The following CREB3L2 variants were observed in gnomAD, a reference collection of about 807,000 sequenced individuals.
CREB3L2 encodes the protein cyclic AMP-responsive element-binding protein 3-like protein 2.
CREB3L2 carries 23 observed loss-of-function variants against 57.2 expected under a neutral mutation model. The observed-to-expected ratio is 0.40, with a 90% confidence interval of 0.29 to 0.57. The LOEUF is 0.57. CREB3L2 is among the 20% of genes least tolerant of loss of function. The pLI, the probability that CREB3L2 is intolerant of heterozygous loss-of-function variation, is 0.42. For synonymous variants in CREB3L2, 268 were observed against 265.1 expected (o/e 1.01, Z -0.11); for missense variants, 628 against 634.7 (o/e 0.99, Z 0.11).
chr7:137,911,530 G>A (rs1800004864), intron 4 of CREB3L2, among the ~76,000 whole-genome samples: 1 of 152,232 alleles, frequency 6.6e-6, no homozygotes, highest in South Asian at 2.1e-4. Flanking sequence ...ACTGTACTTT[G>A]AAATTTGTAC....
intron 8 of CREB3L2, among the ~76,000 whole-genome samples, chr7:137,889,895 C>T (rs1477586029): frequency 6.6e-6 from 1 of 152,154 alleles, no homozygotes; most frequent in Non-Finnish European, 1.5e-5. Context: ...CTCAAAGTCA[C>T]GTAGCTAATA....
At chr7:137,929,459 C>G (rs1800559700) in intron 1 of CREB3L2, among the ~76,000 whole-genome samples, 1 of 152,172 alleles carries the variant, frequency 6.6e-6, no homozygotes, top group East Asian at 1.9e-4. Flanking sequence ...TAGCACTCCC[C>G]CAGTTGTGAA....
chr7:137,996,561 A>G (rs1424583598), intron 1 of CREB3L2, among the ~76,000 whole-genome samples: 2 of 152,242 alleles, frequency 1.3e-5, no homozygotes, highest in Non-Finnish European at 1.5e-5. Context: ...ACATCAAACC[A>G]AAAGCTTCAA....
At chr7:137,893,120 T>C (rs1799556677) in intron 8 of CREB3L2, among the ~76,000 whole-genome samples, 1 of 152,146 alleles carries the variant, frequency 6.6e-6, no homozygotes, top group African/African-American at 2.4e-5. Flanking sequence ...CCTGTGTTAA[T>C]TGCTACATTA....
intron 1 of CREB3L2, among the ~76,000 whole-genome samples, chr7:137,974,201 C>T (rs1801566151): frequency 6.6e-6 from 1 of 152,170 alleles, no homozygotes; most frequent in Admixed American, 6.5e-5. Flanking sequence ...GAGACCCTTG[C>T]TCTATTGGAA....
At chr7:137,920,673 T>A (rs1463991204) in intron 2 of CREB3L2, among the ~76,000 whole-genome samples, 1 of 152,218 alleles carries the variant, frequency 6.6e-6, no homozygotes, top group Non-Finnish European at 1.5e-5. Context: ...CTCTAAACCA[T>A]CAACTATGGA....
intron 8 of CREB3L2, among the ~76,000 whole-genome samples, chr7:137,899,880 GTTA>G (rs1461208037): frequency 1.3e-5 from 2 of 152,182 alleles, no homozygotes; most frequent in East Asian, 3.8e-4. Flanking sequence ...AAATTCATTT[GTTA>G]TTATCAAATA....
intron 1 of CREB3L2, among the ~76,000 whole-genome samples, chr7:137,962,004 T>A (rs1163484427): frequency 6.6e-6 from 1 of 152,024 alleles, no homozygotes; most frequent in African/African-American, 2.4e-5. Context: ...CTTCCTCTCC[T>A]AGCATCCCCT....
chr7:137,952,040 A>C (rs1801112905), intron 1 of CREB3L2, among the ~76,000 whole-genome samples: 1 of 152,190 alleles, frequency 6.6e-6, no homozygotes, highest in Admixed American at 6.5e-5. Flanking sequence ...TGGGAACATA[A>C]GAGTTTTTCT....
chr7:137,894,214 C>A (rs1799575336), intron 8 of CREB3L2, among the ~76,000 whole-genome samples: 1 of 152,186 alleles, frequency 6.6e-6, no homozygotes, highest in African/African-American at 2.4e-5. Context: ...GCTATAAAAG[C>A]AGTGGATTCT....
At chr7:137,982,834 C>A (rs1801733187) in intron 1 of CREB3L2, among the ~76,000 whole-genome samples, 1 of 152,058 alleles carries the variant, frequency 6.6e-6, no homozygotes, top group Admixed American at 6.6e-5. Flanking sequence ...GTTAAATGGG[C>A]TGAAAGGATG....
chr7:137,932,553 C>T (rs35503163), intron 1 of CREB3L2, among the ~76,000 whole-genome samples: 13,817 of 152,018 alleles, frequency 0.091, 927 homozygotes, highest in Admixed American at 0.22. Context: ...GGCAACATGG[C>T]AAGACCCCAT....
At position 137,980,247 on chromosome 7, in the gene CREB3L2, T is replaced by G. The variant is rs1383614508; in HGVS notation, c.102+21357A>C. ...CTGGGAGAGCTTTTAAAATGCCTGATGCCCAGGCCTCATCCCAGAACCAAT... is the reference window on the plus strand; with the variant it reads ...CTGGGAGAGCTTTTAAAATGCCTGAGGCCCAGGCCTCATCCCAGAACCAAT... On this transcript the variant is annotated intron_variant, in intron 1 of 11. Coordinates refer to ENST00000330387, the MANE Select transcript of CREB3L2 (RefSeq NM_194071.4). This position sits in a 1 kb window ranked among gnomAD's most constrained non-coding sequence, Gnocchi z 4.3. Among the ~76,000 whole-genome samples, 1 of 152,240 alleles carries G rather than the reference T, an allele frequency of 6.6e-6. No individual in the cohort carries two copies. The highest frequency in any genetic ancestry group is 2.4e-5 in the African/African-American group (1 of 41,466).
chr7:137,994,299 C>G (rs4728428), intron 1 of CREB3L2, among the ~76,000 whole-genome samples: 136,229 of 152,308 alleles, frequency 0.89, 61,472 homozygotes, highest in South Asian at 0.98. Flanking sequence ...GGCACATGTG[C>G]CCTCATCAAT....
chr7:137,881,395 G>C (rs952756049), intron 11 of CREB3L2, among the ~76,000 whole-genome samples: 4 of 152,146 alleles, frequency 2.6e-5, no homozygotes, highest in Non-Finnish European at 5.9e-5. Context: ...TTTTGGATTA[G>C]GGATGCTTAA....
chr7:137,907,428 G>C (rs1405502619), intron 5 of CREB3L2, among the ~76,000 whole-genome samples: 1 of 152,202 alleles, frequency 6.6e-6, no homozygotes, highest in African/African-American at 2.4e-5. Context: ...GGTGAAGAAA[G>C]AGTGGAAGGG....
At chr7:137,925,189 GA>G (rs1219670597) in intron 2 of CREB3L2, among the ~76,000 whole-genome samples, 1 of 152,138 alleles carries the variant, frequency 6.6e-6, no homozygotes, top group Non-Finnish European at 1.5e-5. Flanking sequence ...GTGGGAAGGA[GA>G]AGGAGAGAGG....
chr7:137,956,759 C>T (rs1311386168), intron 1 of CREB3L2: 1 of 618,302 alleles, frequency 1.6e-6, no homozygotes, highest in East Asian at 6.6e-5. Context: ...CGATTGCTAG[C>T]ATACAGCATA....
intron 1 of CREB3L2, among the ~76,000 whole-genome samples, chr7:137,983,722 C>T (rs1197080068): frequency 1.3e-5 from 2 of 152,158 alleles, no homozygotes; most frequent in Non-Finnish European, 2.9e-5. Context: ...GCATACCTCT[C>T]TGCTTTACCT....
Sources: allele counts gnomAD v4.1 joint callset (sites outside exome capture counted in the v4.1 genomes callset), GRCh38; gene constraint gnomAD v4.1.1; non-coding constraint Gnocchi (gnomAD v3.1); transcripts MANE v1.5; gene names NCBI Gene and HGNC (gene_info 2026-07-23, HGNC 2026-07-21).